Variants in SLC24A2 observed in about 807,000 individuals in gnomAD.
SLC24A2 encodes the protein solute carrier family 24 member 2.
In SLC24A2, 36 loss-of-function variants were observed where a neutral mutation model predicts 62.0. The ratio of observed to expected loss-of-function variants is 0.58; its 90% confidence interval spans 0.44 to 0.77. The LOEUF (loss-of-function observed/expected upper bound fraction) is 0.77. Ranked by LOEUF, SLC24A2 falls within the 30% of genes least tolerant of loss-of-function variation. The pLI, the probability that SLC24A2 is intolerant of heterozygous loss-of-function variation, is 0.00. For missense variants in SLC24A2, 846 were observed against 817.9 expected, an observed-to-expected ratio of 1.03 and a Z score of -0.42; for synonymous variants, 358 against 294.0, an observed-to-expected ratio of 1.22 and a Z score of -2.23.
chr9:19,809,376 T>G, the SLC24A2 span, among the ~76,000 whole-genome samples: 25 of 152,288 alleles, frequency 1.6e-4, no homozygotes, highest in African/African-American at 6.0e-4. Flanking sequence ...GTTAAGGATT[T>G]ACAAAACTAA....
chr9:20,094,959 A>G, the SLC24A2 span, among the ~76,000 whole-genome samples: 1 of 152,174 alleles, frequency 6.6e-6, no homozygotes, highest in Non-Finnish European at 1.5e-5. Context: ...GTTTTAAAAT[A>G]TTAATAATTA....
chr9:19,524,870 T>G (rs1185535774), intron 9 of SLC24A2, among the ~76,000 whole-genome samples: 2 of 152,210 alleles, frequency 1.3e-5, no homozygotes, highest in Admixed American at 1.3e-4. Context: ...GCATGATGTT[T>G]TATAAAACGG....
intron 2 of SLC24A2, among the ~76,000 whole-genome samples, chr9:19,681,371 C>G (rs926408404): frequency 1.3e-5 from 2 of 152,114 alleles, no homozygotes; most frequent in Non-Finnish European, 2.9e-5. Context: ...CACCGCAGAA[C>G]TCCCTATCTC....
chr9:19,867,884 G>A, the SLC24A2 span, among the ~76,000 whole-genome samples: 1 of 151,986 alleles, frequency 6.6e-6, no homozygotes, highest in Non-Finnish European at 1.5e-5. Context: ...CTCCAGCCTG[G>A]GCAACAGAGC....
chr9:19,853,396 G>A, the SLC24A2 span, among the ~76,000 whole-genome samples: 1 of 152,100 alleles, frequency 6.6e-6, no homozygotes, highest in Non-Finnish European at 1.5e-5. Flanking sequence ...GGTTTTCAAG[G>A]GCAATGCTTC....
At chr9:20,102,771 C>T in the SLC24A2 span, among the ~76,000 whole-genome samples, 1 of 152,052 alleles carries the variant, frequency 6.6e-6, no homozygotes, top group Non-Finnish European at 1.5e-5. Flanking sequence ...ATGAGCGACA[C>T]AGAAGACGGG....
intron 8 of SLC24A2, among the ~76,000 whole-genome samples, chr9:19,534,573 G>C (rs992785977): frequency 4.6e-4 from 69 of 150,650 alleles, no homozygotes; most frequent in African/African-American, 1.7e-3. Context: ...TTATCTCATT[G>C]TTCAACTCCC....
At chr9:19,661,819 C>G (rs1302536808) in intron 2 of SLC24A2, among the ~76,000 whole-genome samples, 1 of 152,226 alleles carries the variant, frequency 6.6e-6, no homozygotes, top group African/African-American at 2.4e-5. Context: ...GCAAGTCTGT[C>G]TACTGACCCT....
the SLC24A2 span, among the ~76,000 whole-genome samples, chr9:20,033,667 C>G: frequency 6.6e-6 from 1 of 152,196 alleles, no homozygotes; most frequent in Admixed American, 6.5e-5. Flanking sequence ...GTAAAAGACA[C>G]TCCCACCAGT....
the SLC24A2 span, among the ~76,000 whole-genome samples, chr9:19,889,916 T>A: frequency 6.6e-6 from 1 of 152,222 alleles, no homozygotes; most frequent in Non-Finnish European, 1.5e-5. Context: ...ACCGACTATC[T>A]CTTATCTTCC....
At chr9:19,710,148 T>C (rs1200969772) in intron 2 of SLC24A2, among the ~76,000 whole-genome samples, 2 of 152,148 alleles carry the variant, frequency 1.3e-5, no homozygotes, top group African/African-American at 4.8e-5. Flanking sequence ...GTCAACTCCA[T>C]TTGTAATAAA....
chr9:19,700,802 T>C (rs1291782313), intron 2 of SLC24A2, among the ~76,000 whole-genome samples: 2 of 152,318 alleles, frequency 1.3e-5, no homozygotes, highest in South Asian at 2.1e-4. Flanking sequence ...GACAACCACA[T>C]GCTTTGAAAT....
the SLC24A2 span, among the ~76,000 whole-genome samples, chr9:19,965,337 A>G: frequency 6.6e-6 from 1 of 152,174 alleles, no homozygotes; most frequent in Non-Finnish European, 1.5e-5. Flanking sequence ...TAGTTACTGA[A>G]TTATAAGGTC....
chr9:19,877,232 G>T, the SLC24A2 span, among the ~76,000 whole-genome samples: 97,653 of 149,248 alleles, frequency 0.65, 32,246 homozygotes, highest in Non-Finnish European at 0.67. Flanking sequence ...ACAATTCTTC[G>T]GTGGGAAGCA....
chr9:20,172,852 G>T, the SLC24A2 span, among the ~76,000 whole-genome samples: 1 of 152,068 alleles, frequency 6.6e-6, no homozygotes, highest in African/African-American at 2.4e-5. Context: ...ATTCTGTGAA[G>T]CCTGTATCAC....
chr9:20,164,732 C>T, the SLC24A2 span, among the ~76,000 whole-genome samples: 1 of 151,864 alleles, frequency 6.6e-6, no homozygotes, highest in East Asian at 1.9e-4. Context: ...TTGGAACCCA[C>T]CCAAATGTCC....
the SLC24A2 span, among the ~76,000 whole-genome samples, chr9:19,835,980 G>A: frequency 6.6e-6 from 1 of 152,022 alleles, no homozygotes; most frequent in African/African-American, 2.4e-5. Flanking sequence ...ATGACTACTG[G>A]GTACATAACG....
the SLC24A2 span, among the ~76,000 whole-genome samples, chr9:20,061,707 A>G: frequency 3.9e-5 from 6 of 152,366 alleles, no homozygotes; most frequent in South Asian, 1.2e-3. Flanking sequence ...ATCAATATCA[A>G]TGCAAGAATT....
chr9:19,876,490 C>T, the SLC24A2 span, among the ~76,000 whole-genome samples: 1 of 151,858 alleles, frequency 6.6e-6, no homozygotes, highest in Non-Finnish European at 1.5e-5. Flanking sequence ...GAATTCTTTA[C>T]AGCCTTCTTC....
Sources: gnomAD v4.1 joint callset for allele counts (sites outside exome capture counted in the v4.1 genomes callset) on GRCh38, gnomAD v4.1.1 for gene constraint, MANE v1.5 for transcripts, NCBI Gene and HGNC (gene_info 2026-07-23, HGNC 2026-07-21) for gene names.